Variants in CTNNA2 observed in about 807,000 individuals in gnomAD.
CTNNA2 encodes the protein catenin alpha 2.
In CTNNA2, 42 loss-of-function variants were observed where a neutral mutation model predicts 101.0. That is an observed-to-expected ratio of 0.42 (90% CI 0.32 to 0.54). The LOEUF is 0.54. Among genes scored for constraint, CTNNA2 ranks in the 20% least tolerant of loss-of-function variants. The pLI, the probability that CTNNA2 is intolerant of heterozygous loss-of-function variation, is 0.14. For missense variants in CTNNA2, 871 were observed against 1,223.1 expected, an observed-to-expected ratio of 0.71 and a Z score of 4.29; for synonymous variants, 450 against 456.4, an observed-to-expected ratio of 0.99 and a Z score of 0.18.
intron 7 of CTNNA2, among the ~76,000 whole-genome samples, chr2:79,924,504 A>C (rs1330904262): frequency 6.6e-6 from 1 of 152,160 alleles, no homozygotes; most frequent in African/African-American, 2.4e-5. Context: ...ATTTCAGAAA[A>C]GAGCAGTGAT....
intron 7 of CTNNA2, among the ~76,000 whole-genome samples, chr2:80,026,023 C>T (rs1012710270): frequency 1.2e-4 from 19 of 152,130 alleles, no homozygotes; most frequent in African/African-American, 4.6e-4. Context: ...GGATGTGTGT[C>T]ACAGCGGGGA....
intron 7 of CTNNA2, among the ~76,000 whole-genome samples, chr2:79,948,307 T>G (rs182010891): frequency 6.6e-6 from 1 of 152,336 alleles, no homozygotes; most frequent in East Asian, 1.9e-4. Flanking sequence ...CAAATTCACC[T>G]AAATCATGAA....
At chr2:79,252,916 A>T (rs899718976) in intron 2 of CTNNA2, among the ~76,000 whole-genome samples, 2 of 152,198 alleles carry the variant, frequency 1.3e-5, no homozygotes, top group African/African-American at 4.8e-5. Context: ...TATAGGCTTA[A>T]TACCAATTCC....
intron 3 of CTNNA2, among the ~76,000 whole-genome samples, chr2:79,357,251 A>G (rs574482825): frequency 2.6e-5 from 4 of 152,234 alleles, no homozygotes; most frequent in Non-Finnish European, 4.4e-5. Flanking sequence ...GCTTAAGCCT[A>G]GGAGGTCAAT....
At chr2:79,949,415 T>C (rs1462479165) in intron 7 of CTNNA2, among the ~76,000 whole-genome samples, 8 of 152,224 alleles carry the variant, frequency 5.3e-5, no homozygotes, top group Admixed American at 5.2e-4. Context: ...AAGACCATTT[T>C]AACTTTCAGA....
intron 7 of CTNNA2, among the ~76,000 whole-genome samples, chr2:80,380,918 C>T (rs561062778): frequency 1.5e-4 from 23 of 152,196 alleles, no homozygotes; most frequent in Non-Finnish European, 2.9e-4. Flanking sequence ...ATATTTGGGA[C>T]GATGTGAGAC....
chr2:79,801,605 A>G (rs1317824727), intron 3 of CTNNA2, among the ~76,000 whole-genome samples: 1 of 152,128 alleles, frequency 6.6e-6, no homozygotes, highest in Non-Finnish European at 1.5e-5. Flanking sequence ...GACCCACTCT[A>G]TGTTAATTTC....
rs537400365 is a variant in CTNNA2 at position 80,092,744 on chromosome 2, AT to A, written c.1056+182949del. Among the ~76,000 whole-genome samples the A allele has an allele frequency of 4.6e-5, 7 of 152,192 alleles. No homozygotes were observed. The East Asian group carries it at 1.4e-3, about 29-fold the overall frequency. ...GGCCTAGCTGCTGCCAAGGTCTCTC[AT>A]TGAGGAGAATGCATCTTCTTCTTCA... is the stretch of plus-strand genomic sequence containing the variant. On this transcript the variant is annotated intron_variant, in intron 7 of 18. Transcript: ENST00000402739.
chr2:80,087,442 A>T (rs1383376101), intron 7 of CTNNA2, among the ~76,000 whole-genome samples: 3 of 152,060 alleles, frequency 2.0e-5, no homozygotes, highest in Admixed American at 2.0e-4. Context: ...AGAAAGTGTA[A>T]CAGCTTAATC....
chr2:79,789,225 A>G (rs1217343145), intron 3 of CTNNA2, among the ~76,000 whole-genome samples: 4 of 152,190 alleles, frequency 2.6e-5, no homozygotes, highest in Non-Finnish European at 4.4e-5. Flanking sequence ...TTGAAATGAG[A>G]CTTCATGGAT....
intron 4 of CTNNA2, among the ~76,000 whole-genome samples, chr2:79,391,551 A>T (rs145618651): frequency 2.8e-4 from 43 of 152,234 alleles, no homozygotes; most frequent in African/African-American, 9.6e-4. Context: ...GTGGACTTTC[A>T]ACTGTTGGGG....
intron 12 of CTNNA2, 85 bp downstream of exon 12, chr2:80,555,978 T>C (rs1692995803): frequency 1.1e-6 from 1 of 937,982 alleles, no homozygotes; most frequent in Admixed American, 3.0e-5. Context: ...TTGATTTCTG[T>C]AGGCCTTTAT....
intron 7 of CTNNA2, among the ~76,000 whole-genome samples, chr2:80,391,075 T>G: frequency 6.8e-6 from 1 of 147,776 alleles, no homozygotes; most frequent in Non-Finnish European, 1.5e-5. Context: ...GAGGTTGCAG[T>G]GAGCTGAGAT....
chr2:80,372,320 A>G (rs907275618), intron 7 of CTNNA2, among the ~76,000 whole-genome samples: 1 of 151,450 alleles, frequency 6.6e-6, no homozygotes, highest in Non-Finnish European at 1.5e-5. Context: ...TCAATAATAT[A>G]TTTATTTAGG....
At chr2:80,576,041 A>G (rs1695010103) in intron 13 of CTNNA2, among the ~76,000 whole-genome samples, 1 of 152,164 alleles carries the variant, frequency 6.6e-6, no homozygotes, top group Non-Finnish European at 1.5e-5. Context: ...ACTTTAAAAA[A>G]TCCCTTGTGC....
At chr2:80,215,461 T>C (rs1708203629) in intron 7 of CTNNA2, among the ~76,000 whole-genome samples, 1 of 152,190 alleles carries the variant, frequency 6.6e-6, no homozygotes, top group Non-Finnish European at 1.5e-5. Flanking sequence ...CCTTTCTGTT[T>C]GTTAGTTTTC....
chr2:80,407,067 C>T (rs1012945439), intron 8 of CTNNA2, among the ~76,000 whole-genome samples: 8 of 152,126 alleles, frequency 5.3e-5, no homozygotes, highest in African/African-American at 1.7e-4. Context: ...CTAGATACAA[C>T]TTCTACTCTT....
intron 18 of CTNNA2, among the ~76,000 whole-genome samples, chr2:80,635,158 G>A (rs559181504): frequency 2.8e-4 from 43 of 152,216 alleles, no homozygotes; most frequent in South Asian, 8.3e-4. Flanking sequence ...ATCTGTGATC[G>A]TGTACACAGT....
intron 3 of CTNNA2, among the ~76,000 whole-genome samples, chr2:79,370,913 A>T (rs1051950897): frequency 2.6e-5 from 4 of 152,166 alleles, no homozygotes; most frequent in African/African-American, 9.7e-5. Flanking sequence ...ATAAATAAGC[A>T]CTTCCCTGAG....
Sources: gnomAD v4.1 joint callset for allele counts (sites outside exome capture counted in the v4.1 genomes callset) on GRCh38, gnomAD v4.1.1 for gene constraint, MANE v1.5 for transcripts, NCBI Gene and HGNC (gene_info 2026-07-23, HGNC 2026-07-21) for gene names.